Variants in SUCLG2 observed in about 807,000 individuals in gnomAD.
The protein encoded by SUCLG2 is succinate--CoA ligase [GDP-forming] subunit beta, mitochondrial.
A neutral mutation model predicts 47.9 loss-of-function variants in SUCLG2; 42 were observed. That is an observed-to-expected ratio of 0.88 (90% CI 0.69 to 1.14). The LOEUF (loss-of-function observed/expected upper bound fraction) is 1.14. SUCLG2 is among the 50% of genes most tolerant of loss of function. The pLI, the probability that SUCLG2 is intolerant of heterozygous loss-of-function variation, is 0.00. For missense variants in SUCLG2, 571 were observed against 525.9 expected, an observed-to-expected ratio of 1.09 and a Z score of -0.84; for synonymous variants, 195 against 197.3, an observed-to-expected ratio of 0.99 and a Z score of 0.10.
At chr3:67,570,028 G>C (rs758113588) in intron 2 of SUCLG2, among the ~76,000 whole-genome samples, 74 of 152,150 alleles carry the variant, frequency 4.9e-4, no homozygotes, top group Non-Finnish European at 9.1e-4. Context: ...AAGCCATTAG[G>C]AAGGGACCTA....
intron 9 of SUCLG2, among the ~76,000 whole-genome samples, chr3:67,429,306 T>C (rs1037694658): frequency 6.6e-6 from 1 of 152,148 alleles, no homozygotes; most frequent in African/African-American, 2.4e-5. Context: ...TCAACATTCT[T>C]AAAGAAAAGA....
At chr3:67,395,246 A>G (rs28815297) in intron 10 of SUCLG2, among the ~76,000 whole-genome samples, 28,973 of 152,018 alleles carry the variant, frequency 0.19, 2,876 homozygotes, top group Admixed American at 0.28. Flanking sequence ...TAAAGAGTCA[A>G]GACCCATCAG....
In SUCLG2 at chr3:67,651,447, C is replaced by T. The variant is rs148550128; in HGVS notation, c.84+3056G>A. ...ACCTAGCTGGCTACCTTTCATCGCT[C>T]AGGTCTCAGCTCATATGTCAAAAAG... On this transcript the variant is annotated intron_variant, in intron 1 of 10. Transcript: ENST00000307227. 3.1e-3 allele frequency among the ~76,000 whole-genome samples: 467 copies of T among 152,354 alleles called. 2 individuals carry two copies. The highest frequency in any genetic ancestry group is 0.011 in the African/African-American group (452 of 41,578).
chr3:67,553,562 AT>A (rs1707074137), intron 2 of SUCLG2, among the ~76,000 whole-genome samples: 1 of 152,154 alleles, frequency 6.6e-6, no homozygotes, highest in Non-Finnish European at 1.5e-5. Flanking sequence ...ATTTAATTTA[AT>A]TTTTAATTTT....
intron 1 of SUCLG2, among the ~76,000 whole-genome samples, chr3:67,646,365 T>C (rs1575841666): frequency 6.6e-6 from 1 of 152,124 alleles, no homozygotes; most frequent in East Asian, 1.9e-4. Flanking sequence ...TGAGGCCAGG[T>C]GGGTGGACCA....
chr3:67,378,131 T>G (rs996963586), intron 10 of SUCLG2, among the ~76,000 whole-genome samples: 2 of 152,218 alleles, frequency 1.3e-5, no homozygotes, highest in Non-Finnish European at 2.9e-5. Context: ...CTAGCATTAT[T>G]TTGACTAACA....
chr3:67,433,464 G>A (rs576388105), intron 9 of SUCLG2, among the ~76,000 whole-genome samples: 46 of 152,090 alleles, frequency 3.0e-4, no homozygotes, highest in Admixed American at 2.6e-4. Flanking sequence ...AGGAAGGTGC[G>A]CACGGTGGGT....
At chr3:67,578,023 C>G (rs7622020) in intron 2 of SUCLG2, among the ~76,000 whole-genome samples, 40,411 of 151,520 alleles carry the variant, frequency 0.27, 6,150 homozygotes, top group East Asian at 0.44. Context: ...GGGGGGAAGA[C>G]CAGGGGTTTA....
At chr3:67,542,808 C>G (rs1483562933) in intron 2 of SUCLG2, among the ~76,000 whole-genome samples, 2 of 152,122 alleles carry the variant, frequency 1.3e-5, no homozygotes, top group Non-Finnish European at 2.9e-5. Flanking sequence ...AACAAGAGCA[C>G]CCAGATGCAT....
chr3:67,496,018 T>C (rs1705331490), intron 8 of SUCLG2, 78 bp from the exon 9 acceptor site: 2 of 1,568,732 alleles, frequency 1.3e-6, no homozygotes, highest in African/African-American at 1.4e-5. Context: ...CCCTCCCCCA[T>C]ATTGCCAAGA....
chr3:67,433,055 C>T (rs950521740), intron 9 of SUCLG2, among the ~76,000 whole-genome samples: 1 of 152,116 alleles, frequency 6.6e-6, no homozygotes, highest in Admixed American at 6.5e-5. Context: ...CTGTTCTCCC[C>T]TATGTTAGGG....
chr3:67,427,046 C>T (rs1199668138), intron 9 of SUCLG2, among the ~76,000 whole-genome samples: 2 of 152,226 alleles, frequency 1.3e-5, no homozygotes, highest in Non-Finnish European at 2.9e-5. Flanking sequence ...TACCGATTGG[C>T]CTTATACTAA....
intron 2 of SUCLG2, among the ~76,000 whole-genome samples, chr3:67,607,961 T>C (rs1000808687): frequency 1.1e-4 from 17 of 152,196 alleles, no homozygotes; most frequent in African/African-American, 4.1e-4. Flanking sequence ...AATCACCCAG[T>C]CTCAGGTATG....
At chr3:67,362,877 T>G (rs1159957610) in intron 10 of SUCLG2, among the ~76,000 whole-genome samples, 4 of 152,166 alleles carry the variant, frequency 2.6e-5, no homozygotes, top group Non-Finnish European at 5.9e-5. Flanking sequence ...TATGGAGTAG[T>G]CCAGCCTGCT....
intron 1 of SUCLG2, among the ~76,000 whole-genome samples, chr3:67,614,230 T>C (rs1700583958): frequency 1.3e-5 from 2 of 152,166 alleles, no homozygotes; most frequent in African/African-American, 4.8e-5. Context: ...CAGCCTGCCC[T>C]CAGGACCATT....
intron 6 of SUCLG2, among the ~76,000 whole-genome samples, chr3:67,516,064 G>A (rs1333927397): frequency 1.3e-5 from 2 of 152,046 alleles, no homozygotes; most frequent in Non-Finnish European, 2.9e-5. Flanking sequence ...GAGGAACAAT[G>A]GTTATTTTTC....
intron 9 of SUCLG2, chr3:67,409,182 T>TGGGGAGGGGTCATGATGGTACA: frequency 1.2e-6 from 1 of 828,662 alleles, no homozygotes; most frequent in Non-Finnish European, 1.8e-6. Flanking sequence ...TAGATGGGGC[T>TGGGGAGGGGTCATGATGGTACA]GGGGAGGGGT....
rs1028205239 is a variant in SUCLG2 at position 67,621,414 on chromosome 3, A to G, written c.85-11818T>C. Among the ~76,000 whole-genome samples the G allele has an allele frequency of 6.6e-5, 10 of 152,322 alleles. No homozygotes were observed. In the South Asian group the frequency reaches 1.2e-3, roughly 19 times the overall value. ...GGTAAATCTGATGTACCTGCTAGTC[A>G]TAAAAAAGGCACTTCTTTAAAAACA... On this transcript the variant is annotated intron_variant, in intron 1 of 10. Coordinates refer to ENST00000307227, the MANE Select transcript of SUCLG2 (RefSeq NM_003848.4).
At chr3:67,521,983 T>C (rs1706121322) in intron 4 of SUCLG2, among the ~76,000 whole-genome samples, 1 of 152,114 alleles carries the variant, frequency 6.6e-6, no homozygotes, top group African/African-American at 2.4e-5. Flanking sequence ...TTCATTGTGA[T>C]TACATGGTAT....
Sources: allele counts gnomAD v4.1 joint callset (sites outside exome capture counted in the v4.1 genomes callset), GRCh38; gene constraint gnomAD v4.1.1; transcripts MANE v1.5; gene names NCBI Gene and HGNC (gene_info 2026-07-23, HGNC 2026-07-21).